Variants in FUBP3 observed in about 807,000 individuals in gnomAD.
FUBP3 encodes far upstream element-binding protein 3.
A neutral mutation model predicts 85.6 loss-of-function variants in FUBP3; 28 were observed. The ratio of observed to expected loss-of-function variants is 0.33; its 90% CI spans 0.24 to 0.45. The LOEUF is 0.45. Among genes scored for constraint, FUBP3 ranks in the 20% least tolerant of loss-of-function variants. The pLI, the probability that FUBP3 is intolerant of heterozygous loss-of-function variation, is 1.00. For synonymous variants in FUBP3, 271 were observed against 271.4 expected (o/e 1.00, Z 0.01); for missense variants, 583 against 755.1 (o/e 0.77, Z 2.67).
At chr9:130,619,970 C>T (rs1829673099) in intron 8 of FUBP3, among the ~76,000 whole-genome samples, 1 of 152,166 alleles carries the variant, frequency 6.6e-6, no homozygotes, top group Non-Finnish European at 1.5e-5. Flanking sequence ...TCTTAGACAC[C>T]CCTTCCTGCT....
At position 130,634,668 on chromosome 9, in the gene FUBP3, CCAG is replaced by C. The variant is rs1830351004; in HGVS notation, c.1516_1518del (p.Gln506del). 1 of 1,613,046 alleles carries C rather than the reference CCAG, an allele frequency of 6.2e-7. No homozygotes were observed. Among genetic ancestry groups the C allele is most frequent in the South Asian group, 1.1e-5 (1 of 91,020 alleles). On this transcript the variant is annotated inframe_deletion and splice_region_variant, in exon 17 of 19. Coordinates refer to ENST00000319725, the MANE Select transcript of FUBP3 (RefSeq NM_003934.2). ...ACTGCTTTTGTGTTCTTCGCACAGG[CCAG>C]CAGAGCCAGCCGCAGAGCAGCCAGC...
At chr9:130,629,144 C>G (rs538680169) in intron 12 of FUBP3, among the ~76,000 whole-genome samples, 93 of 152,274 alleles carry the variant, frequency 6.1e-4, no homozygotes, top group African/African-American at 2.2e-3. Flanking sequence ...AAGATAAAAT[C>G]CATGGCCTCC....
Position 130,612,396 on chromosome 9 carries a change from C to T in FUBP3, c.225-60C>T. 8.1e-6 allele frequency: 9 copies of T among 1,113,356 alleles called. No individual in the cohort carries two copies. The highest frequency in any genetic ancestry group is 1.2e-5 in the Non-Finnish European group (9 of 735,788). 69.0% of individuals were successfully genotyped at this position (1,113,356 alleles called of 1,614,324 possible). On this transcript the variant is annotated intron_variant, in intron 3 of 18. Coordinates refer to ENST00000319725, the MANE Select transcript of FUBP3 (RefSeq NM_003934.2). This position sits in a 1 kb window ranked among gnomAD's most constrained non-coding sequence, Gnocchi z 4.1. The stretch of plus-strand genomic sequence containing the variant: ...TTGCCAGTATGGGCAGTTTGGGGAC[C>T]TAAAATGGCTGCAAAAGTCTGTATT...
chr9:130,595,625 A>G (rs965986541), intron 2 of FUBP3, 37 bp downstream of exon 2: 1 of 888,924 alleles, frequency 1.1e-6, no homozygotes, highest in Non-Finnish European at 1.9e-6. Context: ...TTCAGGTGGT[A>G]GTGAACCTGC....
intron 12 of FUBP3, among the ~76,000 whole-genome samples, chr9:130,627,297 C>T (rs1830016932): frequency 6.6e-6 from 1 of 152,256 alleles, no homozygotes. Flanking sequence ...GCGGGGGACT[C>T]CCGTTGTCAC....
At chr9:130,630,213 G>A (rs866422972) in intron 12 of FUBP3, among the ~76,000 whole-genome samples, 8 of 152,230 alleles carry the variant, frequency 5.3e-5, no homozygotes, top group East Asian at 1.9e-4. Context: ...TCATGGAGGC[G>A]CCCTTGGCTC....
intron 13 of FUBP3, chr9:130,631,019 G>A (rs991088085): frequency 1.1e-5 from 7 of 659,178 alleles, no homozygotes; most frequent in Non-Finnish European, 1.5e-5. Flanking sequence ...CAAGGCCGCA[G>A]CAGCCGAGGC....
Position 130,635,201 on chromosome 9 carries a change from T to C in FUBP3, c.1582+463T>C, listed in dbSNP as rs1830369911. On this transcript the variant is annotated intron_variant, in intron 17 of 18. Coordinates refer to ENST00000319725, the MANE Select transcript of FUBP3 (RefSeq NM_003934.2). The surrounding 1 kb of genome is among the most constrained non-coding windows in gnomAD (Gnocchi z 4.3). ...GCCTTACCTGGGCATTGGAGCTGGG[T>C]GCTTAGTTTCTCTTCTTAAGTAGGC... is the stretch of plus-strand genomic sequence containing the variant. Among the ~76,000 whole-genome samples, 1 of 152,152 alleles carries C rather than the reference T, an allele frequency of 6.6e-6. No homozygotes were observed. Among genetic ancestry groups the C allele is most frequent in the Non-Finnish European group, 1.5e-5 (1 of 68,028 alleles).
intron 3 of FUBP3, among the ~76,000 whole-genome samples, chr9:130,611,668 C>T (rs1360955011): frequency 1.2e-4 from 18 of 145,150 alleles, no homozygotes; most frequent in Admixed American, 1.1e-3. Flanking sequence ...TTTTAAACTA[C>T]TTGCATTTAG....
rs148694745 is a variant in FUBP3 at position 130,582,376 on chromosome 9, T to C, written c.84+2612T>C. The stretch of plus-strand genomic sequence containing the variant: ...CTGAAGCAAGAGGCTAGCTTGAGCA[T>C]GGAGATCAAGGCTGCAGTGAGCTGT... On this transcript the variant is annotated intron_variant, in intron 1 of 18. Transcript: ENST00000319725. Among the ~76,000 whole-genome samples, 568 of 151,670 alleles carry C rather than the reference T, an allele frequency of 3.7e-3. 6 individuals are homozygous for C. Among genetic ancestry groups the C allele is most frequent in the African/African-American group, 0.013 (529 of 41,326 alleles).
intron 1 of FUBP3, among the ~76,000 whole-genome samples, chr9:130,590,656 C>T (rs971626109): frequency 2.0e-5 from 3 of 152,104 alleles, no homozygotes; most frequent in Non-Finnish European, 2.9e-5. Flanking sequence ...ACCTCACTTC[C>T]CTTAAGTAAC....
chr9:130,623,890 A>G (rs971850983), intron 11 of FUBP3, among the ~76,000 whole-genome samples, 179 bp downstream of exon 11: 2 of 152,126 alleles, frequency 1.3e-5, no homozygotes, highest in Non-Finnish European at 2.9e-5. Flanking sequence ...TTTTCTGCTC[A>G]TTAATTATTC....
At chr9:130,601,439 C>T (rs1172280143) in intron 2 of FUBP3, among the ~76,000 whole-genome samples, 2 of 152,086 alleles carry the variant, frequency 1.3e-5, no homozygotes, top group Admixed American at 1.3e-4. Flanking sequence ...ACTAAGCAGG[C>T]CTCATACTCC....
intron 1 of FUBP3, chr9:130,581,051 T>G (rs1830112595): frequency 6.6e-6 from 1 of 152,198 alleles, no homozygotes; most frequent in African/African-American, 2.4e-5. Context: ...ACCTTGTTTC[T>G]CACTGGCTAC....
intron 12 of FUBP3, among the ~76,000 whole-genome samples, chr9:130,628,098 G>GCA (rs753677936): frequency 6.4e-4 from 75 of 117,022 alleles, no homozygotes; most frequent in African/African-American, 2.0e-3. Flanking sequence ...ACGCACGCAC[G>GCA]CACGCGCACA....
At chr9:130,636,939 C>G in intron 18 of FUBP3, 75 bp from the exon 19 acceptor site, 1 of 1,299,298 alleles carries the variant, frequency 7.7e-7, no homozygotes, top group Non-Finnish European at 1.1e-6. Context: ...TGACGCGAGA[C>G]CTGGGGGAGG....
At chr9:130,588,564 G>T (rs1830450099) in intron 1 of FUBP3, among the ~76,000 whole-genome samples, 1 of 152,160 alleles carries the variant, frequency 6.6e-6, no homozygotes, top group Admixed American at 6.5e-5. Flanking sequence ...TCCTTACTGT[G>T]CACCCGGCAT....
intron 16 of FUBP3, among the ~76,000 whole-genome samples, chr9:130,632,579 A>G (rs890526687): frequency 1.4e-4 from 21 of 152,148 alleles, no homozygotes; most frequent in African/African-American, 2.7e-4. Flanking sequence ...TTCGTTCCCT[A>G]TGCATGGGTG....
At chr9:130,594,996 G>C (rs749408065) in intron 1 of FUBP3, among the ~76,000 whole-genome samples, 32 of 151,888 alleles carry the variant, frequency 2.1e-4, no homozygotes, top group Non-Finnish European at 4.3e-4. Context: ...AGAGGCCAAG[G>C]GGGGCAGATC....
Sources: gnomAD v4.1 joint callset for allele counts (sites outside exome capture counted in the v4.1 genomes callset) on GRCh38, gnomAD v4.1.1 for gene constraint, Gnocchi (gnomAD v3.1) non-coding constraint, MANE v1.5 for transcripts, NCBI Gene and HGNC (gene_info 2026-07-23, HGNC 2026-07-21) for gene names.